The following STK33 variants were observed in gnomAD, a reference collection of about 807,000 sequenced individuals.
STK33 encodes the protein serine/threonine kinase 33.
In STK33, 52 loss-of-function variants were observed where a neutral mutation model predicts 58.0. That is an observed-to-expected ratio of 0.90 (90% CI 0.72 to 1.13). The LOEUF (loss-of-function observed/expected upper bound fraction) is 1.13, where lower values mean the gene tolerates loss of function less well. Ranked by LOEUF, STK33 falls within the 50% of genes most tolerant of loss-of-function variation. The pLI is 0.00. For missense variants in STK33, 630 were observed against 604.2 expected (o/e 1.04, Z -0.45); for synonymous variants, 215 against 200.1 (o/e 1.07, Z -0.63).
intron 1 of STK33, among the ~76,000 whole-genome samples, chr11:8,590,519 T>C (rs1271427989): frequency 6.6e-6 from 1 of 152,186 alleles, no homozygotes; most frequent in East Asian, 1.9e-4. Context: ...ACATCCTTAC[T>C]GAACTTCACT....
chr11:8,400,027 T>G (rs2135245357), intron 15 of STK33, among the ~76,000 whole-genome samples: 1 of 152,308 alleles, frequency 6.6e-6, no homozygotes, highest in Admixed American at 6.5e-5. Flanking sequence ...CACAGCCAAA[T>G]TCTACCAGAG....
chr11:8,515,840 C>A (rs1952730460), intron 1 of STK33, among the ~76,000 whole-genome samples: 1 of 152,036 alleles, frequency 6.6e-6, no homozygotes, highest in African/African-American at 2.4e-5. Flanking sequence ...AGAAAACAAT[C>A]CCAACGTAAT....
At chr11:8,583,733 TA>T (rs2030892687) in intron 1 of STK33, among the ~76,000 whole-genome samples, 1 of 152,194 alleles carries the variant, frequency 6.6e-6, no homozygotes, top group African/African-American at 2.4e-5. Flanking sequence ...AAGTTACTTT[TA>T]ATCTCATCTA....
At chr11:8,592,336 A>T (rs1420304388) in intron 1 of STK33, among the ~76,000 whole-genome samples, 1 of 152,210 alleles carries the variant, frequency 6.6e-6, no homozygotes, top group Non-Finnish European at 1.5e-5. Context: ...CAATACAAAA[A>T]CCATCAAAAA....
chr11:8,522,078 A>C (rs1028150781), intron 1 of STK33, among the ~76,000 whole-genome samples: 2 of 152,230 alleles, frequency 1.3e-5, no homozygotes, highest in Non-Finnish European at 2.9e-5. Context: ...CAATTCCTCA[A>C]GTATCTAGAA....
chr11:8,411,341 C>A (rs1034682400), intron 15 of STK33, among the ~76,000 whole-genome samples: 1 of 152,336 alleles, frequency 6.6e-6, no homozygotes, highest in Middle Eastern at 3.4e-3. Context: ...TGTGTGATAT[C>A]TTAGTCCAAA....
rs1271737754 is a variant in STK33 at position 8,457,390 on chromosome 11, C to G, written c.648G>C (p.Arg216Ser). The change falls in exon 9 of 16, where the codon AGG becomes AGC. Residue 216 changes from arginine to serine, a missense_variant. Physicochemically the swap from Arg to Ser is moderately radical, Grantham distance 110. Transcript: ENST00000687296. ...RKGHFSENET[R>S]WIIQSLASAI... ...CTGATGCGAGACTTTGAATGATCCACCTTGTCTCATTCTCTGAGAAATGCC... is the reference window on the plus strand; with the variant it reads ...CTGATGCGAGACTTTGAATGATCCAGCTTGTCTCATTCTCTGAGAAATGCC... The G allele has an allele frequency of 6.2e-7, 1 of 1,608,026 alleles. No homozygotes were observed. The highest frequency in any genetic ancestry group is 1.7e-5 in the Admixed American group (1 of 59,970).
At chr11:8,587,455 C>T (rs944098130) in intron 1 of STK33, among the ~76,000 whole-genome samples, 15 of 152,090 alleles carry the variant, frequency 9.9e-5, no homozygotes, top group Non-Finnish European at 2.2e-4. Flanking sequence ...AGCTTTTCCA[C>T]ACTGCACGCT....
At chr11:8,491,036 C>A (rs1293468619) in intron 1 of STK33, among the ~76,000 whole-genome samples, 1 of 152,194 alleles carries the variant, frequency 6.6e-6, no homozygotes, top group Non-Finnish European at 1.5e-5. Flanking sequence ...ACCTCTTCTC[C>A]TCCAAAGGAT....
intron 14 of STK33, among the ~76,000 whole-genome samples, chr11:8,423,232 A>G (rs1942210990): frequency 6.6e-6 from 1 of 150,592 alleles, no homozygotes; most frequent in Admixed American, 6.6e-5. Context: ...GATCTTTTCT[A>G]TTCTACCTTT....
At chr11:8,575,761 G>A (rs1002444206) in intron 1 of STK33, among the ~76,000 whole-genome samples, 10 of 152,052 alleles carry the variant, frequency 6.6e-5, no homozygotes, top group Non-Finnish European at 1.2e-4. Flanking sequence ...ATAAAAAAGA[G>A]GATAACAGAT....
chr11:8,491,805 A>C (rs1218629286), intron 1 of STK33, among the ~76,000 whole-genome samples: 1 of 152,234 alleles, frequency 6.6e-6, no homozygotes, highest in Admixed American at 6.5e-5. Context: ...ATTCTTAAAG[A>C]AAAGAATTTT....
chr11:8,397,742 TA>T (rs1312986665), intron 15 of STK33, among the ~76,000 whole-genome samples: 1 of 151,512 alleles, frequency 6.6e-6, no homozygotes, highest in Non-Finnish European at 1.5e-5. Context: ...CAAACTAGGA[TA>T]ACCAATGCAC....
chr11:8,545,398 G>A (rs1013251270), intron 1 of STK33, among the ~76,000 whole-genome samples: 1 of 152,188 alleles, frequency 6.6e-6, no homozygotes, highest in Non-Finnish European at 1.5e-5. Context: ...GTGAATCAGT[G>A]TCACTAAATT....
chr11:8,585,825 CGG>C (rs1019317598), intron 1 of STK33, among the ~76,000 whole-genome samples: 4 of 151,844 alleles, frequency 2.6e-5, no homozygotes, highest in Non-Finnish European at 5.9e-5. Flanking sequence ...GAGGCCAAGG[CGG>C]GCAGATCACT....
chr11:8,361,558 C>T, the STK33 span, among the ~76,000 whole-genome samples: 1 of 152,158 alleles, frequency 6.6e-6, no homozygotes, highest in African/African-American at 2.4e-5. This position sits in a 1 kb window ranked among gnomAD's most constrained non-coding sequence, Gnocchi z 4.8. Flanking sequence ...TCGCCTCAAC[C>T]TCTGGACCTT....
At chr11:8,448,786 A>G (rs2136760790) in intron 11 of STK33, among the ~76,000 whole-genome samples, 1 of 152,318 alleles carries the variant, frequency 6.6e-6, no homozygotes, top group Admixed American at 6.5e-5. Flanking sequence ...GACAAATGGG[A>G]CCTAATTAAA....
At chr11:8,536,176 T>A (rs1249758458) in intron 1 of STK33, among the ~76,000 whole-genome samples, 1 of 152,068 alleles carries the variant, frequency 6.6e-6, no homozygotes, top group Non-Finnish European at 1.5e-5. Flanking sequence ...AGAAATAAAT[T>A]CAATGTTTGA....
intron 15 of STK33, among the ~76,000 whole-genome samples, chr11:8,398,651 A>G (rs1436186587): frequency 6.6e-6 from 1 of 152,244 alleles, no homozygotes; most frequent in African/African-American, 2.4e-5. Context: ...GCTCCAATTA[A>G]AAGACACAGA....
Sources: allele counts gnomAD v4.1 joint callset (sites outside exome capture counted in the v4.1 genomes callset), GRCh38; gene constraint gnomAD v4.1.1; non-coding constraint Gnocchi (gnomAD v3.1); transcripts MANE v1.5; gene names NCBI Gene and HGNC (gene_info 2026-07-23, HGNC 2026-07-21).